NRDE2: variants seen among roughly 807,000 people sequenced by gnomAD.
NRDE2 encodes the protein nuclear exosome regulator NRDE2.
NRDE2 carries 76 observed loss-of-function variants against 124.2 expected under a neutral mutation model. That is an observed-to-expected ratio of 0.61 (90% CI 0.51 to 0.74). The LOEUF (loss-of-function observed/expected upper bound fraction) is 0.74, where lower values mean the gene tolerates loss of function less well. Among genes scored for constraint, NRDE2 ranks in the 30% least tolerant of loss-of-function variants. NRDE2 has a pLI of 0.00. For synonymous variants in NRDE2, 489 were observed against 528.1 expected (o/e 0.93, Z 1.01); for missense variants, 1,314 against 1,417.3 (o/e 0.93, Z 1.17).
At chr14:90,325,247 T>C (rs11159962) in intron 1 of NRDE2, among the ~76,000 whole-genome samples, 4,385 of 152,272 alleles carry the variant, frequency 0.029, 229 homozygotes, top group African/African-American at 0.1. Flanking sequence ...GTCTGCTTCA[T>C]ATAATATGAA....
chr14:90,287,245 G>T (rs1415867157), intron 11 of NRDE2, among the ~76,000 whole-genome samples: 1 of 152,064 alleles, frequency 6.6e-6, no homozygotes, highest in Admixed American at 6.6e-5. Flanking sequence ...TCAGAGTGAA[G>T]CAACAGCAAA....
At chr14:90,322,698 T>G (rs1307307861) in intron 1 of NRDE2, among the ~76,000 whole-genome samples, 1 of 152,172 alleles carries the variant, frequency 6.6e-6, no homozygotes, top group East Asian at 1.9e-4. Flanking sequence ...ACAAGAAAGG[T>G]TCTGCTCACA....
rs756817051 is a variant in NRDE2, at chr14:90,304,422, G to A, written c.558-40C>T. 20 of 1,434,706 alleles carry A rather than the reference G, an allele frequency of 1.4e-5. 1 individual carries two copies. The highest frequency in any genetic ancestry group is 6.1e-5 in the Admixed American group (3 of 49,132). 88.9% of individuals were successfully genotyped at this position (1,434,706 alleles called of 1,614,324 possible). A position where few individuals can be genotyped will look rare whatever the true frequency, so the allele number is the denominator to read the frequency against. The stretch of plus-strand genomic sequence containing the variant: ...AGAAAAAAAGTTACTGAGGGAATAC[G>A]TGTACTACCTCTGAATGACTAAAGG... On this transcript the variant is annotated intron_variant, in intron 4 of 13. Coordinates refer to ENST00000354366, the MANE Select transcript of NRDE2 (RefSeq NM_017970.4).
At chr14:90,289,518 A>G (rs1252903754) in intron 10 of NRDE2, among the ~76,000 whole-genome samples, 2 of 152,248 alleles carry the variant, frequency 1.3e-5, no homozygotes, top group Admixed American at 1.3e-4. Context: ...AACTGTGGCC[A>G]GCAGAGGACA....
At position 90,272,436 on chromosome 14, in the gene NRDE2, T is replaced by A; in HGVS notation, c.*5900A>T. ...ACCATGGCTGTCATCAGGAAAATGG[T>A]TGGGAGATTTCTCAATCCCTGAAAG... is the stretch of plus-strand genomic sequence containing the variant. On this transcript the variant is annotated 3_prime_UTR_variant, in exon 14 of 14. Transcript: ENST00000354366. The surrounding 1 kb of genome is among the most constrained non-coding windows in gnomAD (Gnocchi z 4.5). 6.6e-7 allele frequency: 1 copy of A among 1,517,988 alleles called. No individual in the cohort carries two copies. Among genetic ancestry groups the A allele is most frequent in the Non-Finnish European group, 8.9e-7 (1 of 1,125,336 alleles). The allele number at this position is 1,517,988 out of a possible 1,614,324, so 94.0% of individuals were successfully genotyped here. A position where few individuals can be genotyped will look rare whatever the true frequency, so the allele number is the denominator to read the frequency against.
Position 90,290,416 on chromosome 14 carries a change from A to C in NRDE2, c.2034T>G (p.Thr678=). 6.2e-7 allele frequency: 1 copy of C among 1,613,930 alleles called. No individual in the cohort carries two copies. Among genetic ancestry groups the C allele is most frequent in the South Asian group, 1.1e-5 (1 of 91,082 alleles). ...CCCCAGAAAACAAAGGGTTGAAAAA[A>C]GTCAAGGGCTTTTCATCATAAAGTC... ...DNGLYDEKPL[T]FFNPLFSGAS... The change falls in exon 10 of 14, where the codon ACT becomes ACG. Residue 678 remains threonine, a synonymous_variant. Coordinates refer to ENST00000354366, the MANE Select transcript of NRDE2 (RefSeq NM_017970.4).
At chr14:90,327,212 T>C (rs1447206942) in intron 1 of NRDE2, among the ~76,000 whole-genome samples, 2 of 152,332 alleles carry the variant, frequency 1.3e-5, no homozygotes, top group East Asian at 1.9e-4. Flanking sequence ...TGATGATTCC[T>C]GGACATCTCT....
chr14:90,273,595 A>C lies in NRDE2; in HGVS notation c.*4741T>G, dbSNP rs1222488378. 6.6e-6 allele frequency: 1 copy of C among 152,410 alleles called. No individual in the cohort carries two copies. Among genetic ancestry groups the C allele is most frequent in the Non-Finnish European group, 1.5e-5 (1 of 68,178 alleles). 9.4% of individuals were successfully genotyped at this position (152,410 alleles called of 1,614,324 possible). On this transcript the variant is annotated 3_prime_UTR_variant, in exon 14 of 14. Coordinates refer to ENST00000354366, the MANE Select transcript of NRDE2 (RefSeq NM_017970.4). ...ATAAATAAATAAAAACCACAATTTTATCTCAGTTCTGTAGGTCAGAAGTCC... is the reference window on the plus strand; with the variant it reads ...ATAAATAAATAAAAACCACAATTTTCTCTCAGTTCTGTAGGTCAGAAGTCC...
At position 90,273,551 on chromosome 14, in the gene NRDE2, C is replaced by CCGT. The variant is rs927075893; in HGVS notation, c.*4782_*4784dup. ...CCAGCCTGGGCGACAGAGCAAGACT[C>CCGT]CGTCTCAAAAATAAATAAATAAATA... On this transcript the variant is annotated 3_prime_UTR_variant, in exon 14 of 14. Transcript: ENST00000354366. 9 of 152,294 alleles carry CCGT rather than the reference C, an allele frequency of 5.9e-5. No homozygotes were observed. The highest frequency in any genetic ancestry group is 2.2e-4 in the African/African-American group (9 of 41,540). 9.4% of individuals were successfully genotyped at this position (152,294 alleles called of 1,614,324 possible). A position where few individuals can be genotyped will look rare whatever the true frequency, so the allele number is the denominator to read the frequency against.
chr14:90,312,560 G>T lies in NRDE2; in HGVS notation c.408-17C>A. 3 of 1,611,586 alleles carry T rather than the reference G, an allele frequency of 1.9e-6. No homozygotes were observed. The highest frequency in any genetic ancestry group is 2.2e-5 in the South Asian group (2 of 91,074). On this transcript the variant is annotated splice_polypyrimidine_tract_variant and intron_variant, in intron 3 of 13. Coordinates refer to ENST00000354366, the MANE Select transcript of NRDE2 (RefSeq NM_017970.4). The stretch of plus-strand genomic sequence containing the variant: ...TTTCCTTGACTGTGGGACAAAGGAA[G>T]AAGAAGAAGGGAGAGGCACTTTAAA...
intron 4 of NRDE2, among the ~76,000 whole-genome samples, chr14:90,306,721 A>G (rs914257875): frequency 3.9e-5 from 6 of 151,990 alleles, no homozygotes; most frequent in African/African-American, 1.5e-4. Flanking sequence ...GAGGCAGGAG[A>G]ATCACTTGAA....
At chr14:90,307,938 C>T (rs1443831795) in intron 4 of NRDE2, among the ~76,000 whole-genome samples, 1 of 152,142 alleles carries the variant, frequency 6.6e-6, no homozygotes, top group Non-Finnish European at 1.5e-5. Flanking sequence ...TGTAGAGATG[C>T]AGCCTCACTA....
intron 7 of NRDE2, 87 bp from the exon 8 acceptor site, chr14:90,298,467 G>T: frequency 7.7e-7 from 1 of 1,294,200 alleles, no homozygotes. Context: ...GGATATAAGA[G>T]AAGCTTATGA....
rs867013083 is a variant in NRDE2 at position 90,270,502 on chromosome 14, A to G, written c.*7834T>C. On this transcript the variant is annotated 3_prime_UTR_variant, in exon 14 of 14. Coordinates refer to ENST00000354366, the MANE Select transcript of NRDE2 (RefSeq NM_017970.4). The stretch of plus-strand genomic sequence containing the variant: ...TGGTTTACGATTACATCCAAATGGT[A>G]TATGTGCTTGATATTGAAGTCATTC... 4.7e-6 allele frequency: 4 copies of G among 859,614 alleles called. No homozygotes were observed. The highest frequency in any genetic ancestry group is 2.4e-4 in the Middle Eastern group (1 of 4,092). 53.2% of individuals were successfully genotyped at this position (859,614 alleles called of 1,614,324 possible). A position where few individuals can be genotyped will look rare whatever the true frequency, so the allele number is the denominator to read the frequency against.
intron 7 of NRDE2, among the ~76,000 whole-genome samples, chr14:90,299,300 A>C (rs1884300402): frequency 6.6e-6 from 1 of 152,046 alleles, no homozygotes; most frequent in Non-Finnish European, 1.5e-5. Flanking sequence ...TGCCCACCTT[A>C]GCCTCCCAAA....
In NRDE2 at chr14:90,302,742, A is replaced by C. The variant is rs1271143224; in HGVS notation, c.1389T>G (p.Pro463=). ...TACCAAACATGGCCTCTTCCGTGCC[A>C]GGCAACGCAGGGTGAGATAAGATGC... ...DGSILSHPAL[P]GTEEAMFALF... is the part of the protein sequence containing the mutation. Residue 463 remains proline, a synonymous_variant, in exon 6 of 14, where the codon CCT becomes CCG. Transcript: ENST00000354366. The C allele has an allele frequency of 6.2e-7, 1 of 1,611,288 alleles. No individual in the cohort carries two copies. Among genetic ancestry groups the C allele is most frequent in the South Asian group, 1.1e-5 (1 of 90,780 alleles).
Position 90,288,942 on chromosome 14 carries a change from T to G in NRDE2, c.2433A>C (p.Gly811=). The G allele has an allele frequency of 6.2e-7, 1 of 1,612,268 alleles. No individual in the cohort carries two copies. The highest frequency in any genetic ancestry group is 8.5e-7 in the Non-Finnish European group (1 of 1,178,378). ...KVFDTALGMA[G]SRELKDSDLC... is the part of the protein sequence containing the mutation. ...GGTCAGAGTCTTTCAGTTCTCTGCT[T>G]CCTGCCATGCCAAGTGCTGTGTCAA... is the stretch of plus-strand genomic sequence containing the variant. Residue 811 remains glycine, a synonymous_variant, in exon 11 of 14, where the codon GGA becomes GGC. Transcript: ENST00000354366.
chr14:90,290,298 G>A lies in NRDE2; in HGVS notation c.2152C>T (p.His718Tyr). 1 of 1,614,108 alleles carries A rather than the reference G, an allele frequency of 6.2e-7. No individual in the cohort carries two copies. Among genetic ancestry groups the A allele is most frequent in the South Asian group, 1.1e-5 (1 of 91,082 alleles). The change falls in exon 10 of 14, where the codon CAC becomes TAC. Residue 718 changes from histidine (H) to tyrosine (Y), a missense_variant. His to Tyr is a moderately conservative substitution (Grantham distance 83, BLOSUM62 2). Transcript: ENST00000354366. ...EGEEFIRNVF[H>Y]LVMPLFSGKE... is the part of the protein sequence containing the mutation. The stretch of plus-strand genomic sequence containing the variant: ...CCTGAAAATAAAGGCATGACAAGGT[G>A]GAAGACATTGCGGATGAACTCCTCG...
At chr14:90,330,545 C>T (rs1396934286) in intron 1 of NRDE2, among the ~76,000 whole-genome samples, 1 of 152,152 alleles carries the variant, frequency 6.6e-6, no homozygotes, top group Admixed American at 6.5e-5. Context: ...AGCGCAGTGG[C>T]TCATGCCTGT....
Sources: allele counts gnomAD v4.1 joint callset (sites outside exome capture counted in the v4.1 genomes callset), GRCh38; gene constraint gnomAD v4.1.1; non-coding constraint Gnocchi (gnomAD v3.1); transcripts MANE v1.5; gene names NCBI Gene and HGNC (gene_info 2026-07-23, HGNC 2026-07-21).